CFAP52: variants seen among roughly 807,000 people sequenced by gnomAD.
CFAP52 encodes the protein cilia and flagella associated protein 52, also known as cilia- and flagella-associated protein 52.
CFAP52 carries 57 observed loss-of-function variants against 70.5 expected under a neutral mutation model. That is an observed-to-expected ratio of 0.81 (90% CI 0.65 to 1.01). CFAP52 has a LOEUF of 1.01. CFAP52 is among the 50% of genes least tolerant of loss of function. The pLI, the probability that CFAP52 is intolerant of heterozygous loss-of-function variation, is 0.00. For missense variants in CFAP52, 785 were observed against 788.5 expected, an observed-to-expected ratio of 1.00 and a Z score of 0.05; for synonymous variants, 267 against 292.5, an observed-to-expected ratio of 0.91 and a Z score of 0.89.
chr17:9,631,307 A>G (rs138938941), intron 9 of CFAP52, among the ~76,000 whole-genome samples: 4 of 152,186 alleles, frequency 2.6e-5, no homozygotes, highest in African/African-American at 7.2e-5. Flanking sequence ...CACTGGGCAT[A>G]GATAGAGCCT....
intron 4 of CFAP52, among the ~76,000 whole-genome samples, chr17:9,596,059 G>GTGTGTGTGTGTGTA (rs1555541607): frequency 1.2e-5 from 1 of 85,206 alleles, no homozygotes; most frequent in Non-Finnish European, 2.3e-5. Flanking sequence ...ATATGTGTGT[G>GTGTGTGTGTGTGTA]TATATATATA....
intron 3 of CFAP52, chr17:9,590,084 G>A (rs182963599): frequency 8.6e-5 from 17 of 198,014 alleles, no homozygotes; most frequent in Admixed American, 1.9e-4. Context: ...TGAGAATCCA[G>A]TTGTTTTTTG....
At chr17:9,593,647 G>T (rs1434741962) in intron 3 of CFAP52, among the ~76,000 whole-genome samples, 1 of 151,918 alleles carries the variant, frequency 6.6e-6, no homozygotes, top group Non-Finnish European at 1.5e-5. Context: ...GTAAAGATGG[G>T]TTTTCACCAT....
chr17:9,604,500 G>T (rs369024546), intron 6 of CFAP52, among the ~76,000 whole-genome samples: 1 of 152,138 alleles, frequency 6.6e-6, no homozygotes, highest in South Asian at 2.1e-4. Context: ...GGGCGCAGTG[G>T]CTTGTGCCTG....
intron 11 of CFAP52, among the ~76,000 whole-genome samples, chr17:9,636,183 G>GAAAGAAAGAA (rs1345872009): frequency 2.0e-5 from 1 of 49,042 alleles, no homozygotes; most frequent in Non-Finnish European, 3.7e-5. Flanking sequence ...TCAAAAAAAA[G>GAAAGAAAGAA]AAAGAAAGAA....
chr17:9,642,242 A>T (rs1911100235), intron 13 of CFAP52, among the ~76,000 whole-genome samples: 1 of 152,204 alleles, frequency 6.6e-6, no homozygotes, highest in African/African-American at 2.4e-5. Flanking sequence ...GAATTAACCA[A>T]TATTTCAAAG....
chr17:9,592,421 A>G (rs1432641233), intron 3 of CFAP52, among the ~76,000 whole-genome samples: 1 of 149,498 alleles, frequency 6.7e-6, no homozygotes, highest in East Asian at 1.9e-4. Context: ...GTGAGCCAAG[A>G]TTGCCCCATT....
At chr17:9,634,451 C>G (rs1048343995) in intron 10 of CFAP52, among the ~76,000 whole-genome samples, 1 of 152,188 alleles carries the variant, frequency 6.6e-6, no homozygotes, top group African/African-American at 2.4e-5. Flanking sequence ...TTGAGACCAG[C>G]CTGGCCAACA....
At chr17:9,642,512 T>C (rs1198711026) in intron 13 of CFAP52, among the ~76,000 whole-genome samples, 1 of 152,084 alleles carries the variant, frequency 6.6e-6, no homozygotes, top group Non-Finnish European at 1.5e-5. Context: ...TAATCCCAGC[T>C]ACTTGGGAGG....
intron 3 of CFAP52, chr17:9,590,292 C>A: frequency 5.4e-6 from 1 of 186,814 alleles, no homozygotes; most frequent in South Asian, 1.2e-4. Flanking sequence ...GGTGTTTTCC[C>A]ATCATCCAGC....
At chr17:9,587,133 T>C (rs11654310) in intron 3 of CFAP52, among the ~76,000 whole-genome samples, 132,014 of 152,198 alleles carry the variant, frequency 0.87, 59,493 homozygotes, top group East Asian at 0.99. Flanking sequence ...GGTTTTCTAC[T>C]CCTGCATTAG....
At position 9,640,224 on chromosome 17, in the gene CFAP52, C is replaced by CT. The variant is rs113556452; in HGVS notation, c.1576-1481dup. On this transcript the variant is annotated intron_variant, in intron 12 of 13. Coordinates refer to ENST00000352665, the MANE Select transcript of CFAP52 (RefSeq NM_145054.5). Reference sequence around the variant, plus strand: ...CACTCCTGATTCCTGGTCAAGCACTCTTTTTTTTTTTTTTTTTTTCAACTT... The same window carrying CT: ...CACTCCTGATTCCTGGTCAAGCACTCTTTTTTTTTTTTTTTTTTTTCAACTT... Among the ~76,000 whole-genome samples, 403 of 125,572 alleles carry CT rather than the reference C, an allele frequency of 3.2e-3. 1 individual carries two copies. The highest frequency in any genetic ancestry group is 9.3e-3 in the East Asian group (40 of 4,310). The allele number at this position is 125,572 out of a possible 152,430, so 82.4% of individuals were successfully genotyped here. A position where few individuals can be genotyped will look rare whatever the true frequency, so the allele number is the denominator to read the frequency against.
In CFAP52 at chr17:9,612,360, A is replaced by G. The variant is rs754169117; in HGVS notation, c.906A>G (p.Gly302=). 5.0e-6 allele frequency: 8 copies of G among 1,614,242 alleles called. No individual in the cohort carries two copies. The Admixed American group carries it at 5.0e-5, about 10-fold the overall frequency. The change falls in exon 8 of 14, where the codon GGA becomes GGG. Residue 302 remains glycine, a synonymous_variant. Transcript: ENST00000352665. ...CTTCTATCACACTTCGAGGAGAAGG[A>G]CACCAGTTTCTCGTAGGAACAGAAG... ...GITSITLRGE[G]HQFLVGTEES... is the part of the protein sequence containing the mutation.
At chr17:9,614,872 A>G (rs1422004239) in intron 8 of CFAP52, among the ~76,000 whole-genome samples, 1 of 152,198 alleles carries the variant, frequency 6.6e-6, no homozygotes, top group Non-Finnish European at 1.5e-5. Flanking sequence ...CCTAGCTGAG[A>G]ATCACTGGGG....
intron 7 of CFAP52, 134 bp downstream of exon 7, chr17:9,608,353 GTTGGAATCACAA>G: frequency 1.5e-6 from 1 of 688,692 alleles, no homozygotes; most frequent in East Asian, 2.9e-5. Flanking sequence ...AGAATGAGTA[GTTGGAATCACAA>G]TAGATGGTGG....
At chr17:9,624,249 C>G (rs1910157485) in intron 8 of CFAP52, among the ~76,000 whole-genome samples, 1 of 152,004 alleles carries the variant, frequency 6.6e-6, no homozygotes, top group Admixed American at 6.6e-5. Flanking sequence ...AGCCCTTGTT[C>G]CTTAAGAATT....
chr17:9,634,576 C>T (rs373202360), intron 10 of CFAP52, among the ~76,000 whole-genome samples: 5 of 151,902 alleles, frequency 3.3e-5, no homozygotes, highest in East Asian at 3.9e-4. Flanking sequence ...GGTGACAGAG[C>T]GACATTTTGT....
In CFAP52 at chr17:9,638,654, G is replaced by A. The variant is rs755272669; in HGVS notation, c.1518G>A (p.Gln506=). Residue 506 remains glutamine, a synonymous_variant, in exon 12 of 14, where the codon CAG becomes CAA. Transcript: ENST00000352665. ...NQMILANTLF[Q]CVCYHPEEFQ... Reference sequence around the variant, plus strand: ...TGATACTAGCCAACACCTTATTCCAGTGTGTGTGCTATCACCCTGAGGAGT... The same window carrying A: ...TGATACTAGCCAACACCTTATTCCAATGTGTGTGCTATCACCCTGAGGAGT... 2 of 1,614,198 alleles carry A rather than the reference G, an allele frequency of 1.2e-6. No individual in the cohort carries two copies. Among genetic ancestry groups the A allele is most frequent in the East Asian group, 4.5e-5 (2 of 44,884 alleles).
At position 9,638,748 on chromosome 17, in the gene CFAP52, G is replaced by T. The variant is rs376365674; in HGVS notation, c.1575+37G>T. ...CAGTGAGAGATGAGATCTTTCCAGC[G>T]CAAGAGAAAAGCAGTGAGGCGTTGT... is the stretch of plus-strand genomic sequence containing the variant. On this transcript the variant is annotated intron_variant, in intron 12 of 13. Coordinates refer to ENST00000352665, the MANE Select transcript of CFAP52 (RefSeq NM_145054.5). 4 of 1,601,970 alleles carry T rather than the reference G, an allele frequency of 2.5e-6. No individual in the cohort carries two copies. In the African/African-American group the frequency reaches 5.4e-5, roughly 21 times the overall value.
Sources: allele counts gnomAD v4.1 joint callset (sites outside exome capture counted in the v4.1 genomes callset), GRCh38; gene constraint gnomAD v4.1.1; transcripts MANE v1.5; gene names NCBI Gene and HGNC (gene_info 2026-07-23, HGNC 2026-07-21).